Variants in CAMK2D observed in about 807,000 individuals in gnomAD.
CAMK2D encodes the protein calcium/calmodulin dependent protein kinase II delta, also known as calcium/calmodulin-dependent protein kinase type II subunit delta.
Under a neutral mutation model 84.0 loss-of-function variants are expected in CAMK2D, and 37 were observed. That is an observed-to-expected ratio of 0.44 (90% CI 0.34 to 0.58). CAMK2D has a LOEUF of 0.58. CAMK2D is among the 20% of genes least tolerant of loss of function. The pLI, the probability that CAMK2D is intolerant of heterozygous loss-of-function variation, is 0.02. For synonymous variants in CAMK2D, 202 were observed against 212.5 expected, an observed-to-expected ratio of 0.95 and a Z score of 0.43; for missense variants, 448 against 652.5, an observed-to-expected ratio of 0.69 and a Z score of 3.41.
At chr4:113,481,074 GAC>G (rs2154128869) in intron 16 of CAMK2D, among the ~76,000 whole-genome samples, 1 of 152,268 alleles carries the variant, frequency 6.6e-6, no homozygotes, top group South Asian at 2.1e-4. Flanking sequence ...AATGGACTAA[GAC>G]ACTTTTAAAA....
chr4:113,691,724 C>A (rs1005257667), intron 2 of CAMK2D, among the ~76,000 whole-genome samples: 4 of 151,788 alleles, frequency 2.6e-5, no homozygotes, highest in African/African-American at 9.7e-5. Context: ...CTGCACTGCA[C>A]CCTGGGCGAC....
chr4:113,694,926 T>C (rs2099398386), intron 2 of CAMK2D, among the ~76,000 whole-genome samples: 1 of 152,162 alleles, frequency 6.6e-6, no homozygotes, highest in Admixed American at 6.6e-5. Flanking sequence ...GTTCTTTAAG[T>C]GTTTATAGAT....
chr4:113,555,363 G>A (rs929529503), intron 4 of CAMK2D, among the ~76,000 whole-genome samples: 3 of 152,138 alleles, frequency 2.0e-5, no homozygotes, highest in Admixed American at 6.5e-5. Context: ...GCGGCACCCA[G>A]TTAATGCACA....
intron 2 of CAMK2D, among the ~76,000 whole-genome samples, chr4:113,711,060 C>T (rs899764371): frequency 2.7e-5 from 4 of 150,796 alleles, no homozygotes; most frequent in African/African-American, 9.7e-5. Context: ...GTTAAAGAGC[C>T]TTTAGGTTGA....
chr4:113,474,499 T>C (rs907863881), intron 16 of CAMK2D, among the ~76,000 whole-genome samples: 12 of 27,768 alleles, frequency 4.3e-4, no homozygotes, highest in African/African-American at 1.7e-3. Context: ...CTTTTTGGCC[T>C]TTTTTTTTTT....
At chr4:113,691,343 T>C (rs1223138085) in intron 2 of CAMK2D, among the ~76,000 whole-genome samples, 1 of 152,184 alleles carries the variant, frequency 6.6e-6, no homozygotes, top group African/African-American at 2.4e-5. Context: ...CCTCCTGAAT[T>C]GGACAACTAG....
At chr4:113,503,490 TAAAA>T (rs961723127) in intron 14 of CAMK2D, among the ~76,000 whole-genome samples, 1 of 151,964 alleles carries the variant, frequency 6.6e-6, no homozygotes, top group African/African-American at 2.4e-5. Context: ...GGACAACACT[TAAAA>T]AAAGACTATA....
chr4:113,646,702 C>A (rs1472607823), intron 3 of CAMK2D, among the ~76,000 whole-genome samples: 1 of 152,148 alleles, frequency 6.6e-6, no homozygotes, highest in African/African-American at 2.4e-5. Context: ...ATCAGAAGAA[C>A]AATAAGCTAA....
At chr4:113,620,718 G>A (rs372885866) in intron 3 of CAMK2D, among the ~76,000 whole-genome samples, 2 of 152,118 alleles carry the variant, frequency 1.3e-5, no homozygotes, top group East Asian at 3.9e-4. Context: ...ATGTTAGCCA[G>A]GATAGTCTCG....
chr4:113,518,923 A>G (rs1277864400), intron 8 of CAMK2D, among the ~76,000 whole-genome samples: 1 of 152,158 alleles, frequency 6.6e-6, no homozygotes, highest in East Asian at 1.9e-4. Context: ...ATGTGAATCA[A>G]TACAAGGATA....
intron 16 of CAMK2D, among the ~76,000 whole-genome samples, chr4:113,467,462 A>C (rs887747821): frequency 3.9e-5 from 6 of 152,240 alleles, no homozygotes; most frequent in African/African-American, 1.4e-4. Context: ...AATACAAGTA[A>C]TAAACTATCC....
chr4:113,497,052 G>T (rs940493589), intron 16 of CAMK2D, among the ~76,000 whole-genome samples: 4 of 131,292 alleles, frequency 3.0e-5, no homozygotes, highest in African/African-American at 1.2e-4. Context: ...GGAAATAAAA[G>T]AACTTTTAGA....
At chr4:113,734,366 G>A (rs2099576167) in intron 2 of CAMK2D, among the ~76,000 whole-genome samples, 1 of 152,134 alleles carries the variant, frequency 6.6e-6, no homozygotes, top group East Asian at 1.9e-4. Context: ...AAATGGAAAG[G>A]AAGGTCATAA....
intron 16 of CAMK2D, among the ~76,000 whole-genome samples, chr4:113,488,961 A>G (rs892092861): frequency 1.3e-5 from 2 of 152,150 alleles, no homozygotes; most frequent in African/African-American, 4.8e-5. Flanking sequence ...GCAGGACTCA[A>G]GCAATAAAGA....
chr4:113,711,600 C>T (rs1593394867), intron 2 of CAMK2D, among the ~76,000 whole-genome samples: 1 of 152,230 alleles, frequency 6.6e-6, no homozygotes, highest in East Asian at 1.9e-4. Flanking sequence ...AATGGTTATT[C>T]TGCAAAGAGT....
chr4:113,600,357 T>A (rs1013568317), intron 4 of CAMK2D, among the ~76,000 whole-genome samples: 2 of 152,204 alleles, frequency 1.3e-5, no homozygotes, highest in Non-Finnish European at 2.9e-5. Context: ...AATGTACTAA[T>A]GTTGTATGGG....
chr4:113,562,600 C>T (rs755225034), intron 4 of CAMK2D, among the ~76,000 whole-genome samples: 2 of 152,164 alleles, frequency 1.3e-5, no homozygotes, highest in African/African-American at 4.8e-5. Flanking sequence ...GAAGGAGCAA[C>T]AGATTTATAC....
intron 2 of CAMK2D, among the ~76,000 whole-genome samples, chr4:113,742,273 C>T (rs2099594748): frequency 6.6e-6 from 1 of 152,086 alleles, no homozygotes; most frequent in African/African-American, 2.4e-5. Context: ...AAAGTTTCAG[C>T]ATAAAAAATA....
At chr4:113,555,503 C>T (rs1236933233) in intron 4 of CAMK2D, among the ~76,000 whole-genome samples, 5 of 152,074 alleles carry the variant, frequency 3.3e-5, no homozygotes, top group African/African-American at 2.4e-5. Context: ...GAAATCCAAG[C>T]GTTTGAGCAG....
Sources: gnomAD v4.1 joint callset for allele counts (sites outside exome capture counted in the v4.1 genomes callset) on GRCh38, gnomAD v4.1.1 for gene constraint, MANE v1.5 for transcripts, NCBI Gene and HGNC (gene_info 2026-07-23, HGNC 2026-07-21) for gene names.